The following ABTB2 variants were observed in gnomAD, a reference collection of about 807,000 sequenced individuals.
The protein encoded by ABTB2 is ankyrin repeat and BTB domain containing 2.
A neutral mutation model predicts 104.1 loss-of-function variants in ABTB2; 56 were observed. That is an observed-to-expected ratio of 0.54 (90% confidence interval 0.43 to 0.67). The LOEUF (loss-of-function observed/expected upper bound fraction) is 0.67, where lower values mean the gene tolerates loss of function less well. Among genes scored for constraint, ABTB2 ranks in the 30% least tolerant of loss-of-function variants. ABTB2 has a pLI of 0.00. For missense variants in ABTB2, 1,279 were observed against 1,407.7 expected (o/e 0.91, Z 1.46); for synonymous variants, 606 against 608.2 (o/e 1.00, Z 0.05).
intron 3 of ABTB2, among the ~76,000 whole-genome samples, chr11:34,186,478 A>G (rs1008676681): frequency 1.3e-5 from 2 of 152,174 alleles, no homozygotes; most frequent in African/African-American, 4.8e-5. Context: ...AGCAAAATCA[A>G]TTCCCTTTAG....
chr11:34,254,657 T>C (rs1854098807), intron 1 of ABTB2, among the ~76,000 whole-genome samples: 1 of 149,162 alleles, frequency 6.7e-6, no homozygotes, highest in Non-Finnish European at 1.5e-5. Flanking sequence ...ATAAGGCCAG[T>C]GAATATTAGA....
intron 1 of ABTB2, among the ~76,000 whole-genome samples, chr11:34,272,302 CAAAAAAAA>C (rs60997940): frequency 6.2e-5 from 5 of 80,780 alleles, no homozygotes; most frequent in Admixed American, 1.4e-4. Context: ...CAGGAAGCTG[CAAAAAAAA>C]AAAAAAAAAA....
At chr11:34,317,493 C>T (rs1854947993) in intron 1 of ABTB2, among the ~76,000 whole-genome samples, 1 of 152,072 alleles carries the variant, frequency 6.6e-6, no homozygotes, top group South Asian at 2.1e-4. Context: ...TAAGAATGGG[C>T]CAGGCATGGT....
chr11:34,281,561 G>A (rs779482787), intron 1 of ABTB2, among the ~76,000 whole-genome samples: 68 of 152,140 alleles, frequency 4.5e-4, no homozygotes, highest in Non-Finnish European at 9.7e-4. Context: ...CAGCCCTTCG[G>A]GGACTCCCGC....
chr11:34,234,321 A>G (rs1008632331), intron 1 of ABTB2, among the ~76,000 whole-genome samples: 14 of 152,210 alleles, frequency 9.2e-5, no homozygotes, highest in African/African-American at 3.4e-4. Flanking sequence ...TGCCATCTCA[A>G]GCGAGAAATG....
At chr11:34,241,084 A>G (rs1389513840) in intron 1 of ABTB2, among the ~76,000 whole-genome samples, 2 of 152,132 alleles carry the variant, frequency 1.3e-5, no homozygotes, top group African/African-American at 4.8e-5. Context: ...GCATTAGGGC[A>G]TGGTGGCTAA....
intron 1 of ABTB2, among the ~76,000 whole-genome samples, chr11:34,352,976 C>T (rs1471240546): frequency 6.6e-6 from 1 of 152,236 alleles, no homozygotes; most frequent in South Asian, 2.1e-4. Flanking sequence ...CAGGAGGAAC[C>T]CTTAGAACCC....
At chr11:34,210,892 C>T (rs558631761) in intron 1 of ABTB2, among the ~76,000 whole-genome samples, 3 of 152,340 alleles carry the variant, frequency 2.0e-5, no homozygotes, top group South Asian at 2.1e-4. Flanking sequence ...AAAAATTATA[C>T]TGCCCCACTG....
At position 34,162,730 on chromosome 11, in the gene ABTB2, G is replaced by C; in HGVS notation, c.2064C>G (p.Ala688=). 1.2e-6 allele frequency: 2 copies of C among 1,611,596 alleles called. No homozygotes were observed. Among genetic ancestry groups the C allele is most frequent in the South Asian group, 1.1e-5 (1 of 91,080 alleles). Residue 688 remains alanine (A), a synonymous_variant, in exon 10 of 17, where the codon GCC becomes GCG. Coordinates refer to ENST00000435224, the MANE Select transcript of ABTB2 (RefSeq NM_145804.3). ...ADVLSLEEIL[A]EGVEESDASS... is the part of the protein sequence containing the mutation. Reference sequence around the variant, plus strand: ...ACGCATCACTTTCCTCCACACCCTCGGCCAGGATCTCCTCCAGGGACAGCA... The same window carrying C: ...ACGCATCACTTTCCTCCACACCCTCCGCCAGGATCTCCTCCAGGGACAGCA...
intron 1 of ABTB2, among the ~76,000 whole-genome samples, chr11:34,308,492 G>C (rs1472901468): frequency 6.6e-6 from 1 of 152,134 alleles, no homozygotes; most frequent in Admixed American, 6.5e-5. Flanking sequence ...CACTCCCTGA[G>C]GGCACAAGCA....
intron 1 of ABTB2, among the ~76,000 whole-genome samples, chr11:34,265,545 A>T (rs530099668): frequency 6.6e-6 from 1 of 151,886 alleles, no homozygotes; most frequent in African/African-American, 2.4e-5. Flanking sequence ...CTGTAATCCC[A>T]GCTACTTGGG....
At chr11:34,159,009 C>T (rs979413986) in intron 14 of ABTB2, among the ~76,000 whole-genome samples, 4 of 152,196 alleles carry the variant, frequency 2.6e-5, no homozygotes, top group African/African-American at 4.8e-5. Flanking sequence ...ACTCACACCC[C>T]AGCTGTGTGG....
chr11:34,324,508 T>C (rs1345488869), intron 1 of ABTB2, among the ~76,000 whole-genome samples: 1 of 152,156 alleles, frequency 6.6e-6, no homozygotes, highest in Non-Finnish European at 1.5e-5. Context: ...AAAAAACAGG[T>C]GCCAGTTAGA....
chr11:34,182,404 C>G (rs1853039317), intron 3 of ABTB2, among the ~76,000 whole-genome samples: 1 of 151,272 alleles, frequency 6.6e-6, no homozygotes, highest in African/African-American at 2.4e-5. Flanking sequence ...TCTCCTCCAG[C>G]AGCCAGGCTG....
At chr11:34,229,292 C>G (rs1352889520) in intron 1 of ABTB2, among the ~76,000 whole-genome samples, 2 of 151,716 alleles carry the variant, frequency 1.3e-5, no homozygotes, top group East Asian at 3.9e-4. Flanking sequence ...ACCATCCTGG[C>G]TAACACGATG....
chr11:34,335,881 G>A, intron 1 of ABTB2: 1 of 907,108 alleles, frequency 1.1e-6, no homozygotes, highest in Non-Finnish European at 1.8e-6. Flanking sequence ...GGCCACATGA[G>A]ACACCTAAAC....
intron 1 of ABTB2, among the ~76,000 whole-genome samples, chr11:34,272,733 C>CAAAAAAAAAAAAA (rs1323130706): frequency 7.8e-6 from 1 of 127,652 alleles, no homozygotes; most frequent in African/African-American, 3.0e-5. Flanking sequence ...AAAAAAAAAC[C>CAAAAAAAAAAAAA]AACCAACCAT....
intron 11 of ABTB2, among the ~76,000 whole-genome samples, chr11:34,160,625 T>G (rs1482988881): frequency 8.4e-6 from 1 of 119,462 alleles, no homozygotes; most frequent in Non-Finnish European, 1.7e-5. Context: ...GTGTGTTGGG[T>G]GGGGGGGTTC....
chr11:34,174,279 C>T (rs567226961), intron 3 of ABTB2, among the ~76,000 whole-genome samples: 2 of 141,820 alleles, frequency 1.4e-5, no homozygotes, highest in African/African-American at 2.6e-5. Context: ...GAGCTGAGAT[C>T]GCGCCACTGC....
Sources: allele counts gnomAD v4.1 joint callset (sites outside exome capture counted in the v4.1 genomes callset), GRCh38; gene constraint gnomAD v4.1.1; transcripts MANE v1.5; gene names NCBI Gene and HGNC (gene_info 2026-07-23, HGNC 2026-07-21).